Variants in SPAG5 observed in about 807,000 individuals in gnomAD.
SPAG5 encodes the protein sperm-associated antigen 5.
Under a neutral mutation model 145.4 loss-of-function variants are expected in SPAG5, and 99 were observed. That is an observed-to-expected ratio of 0.68 (90% CI 0.58 to 0.80). SPAG5 has a LOEUF of 0.80. Ranked by LOEUF, SPAG5 falls within the 30% of genes least tolerant of loss-of-function variation. SPAG5 has a pLI of 0.00. For synonymous variants in SPAG5, 477 were observed against 525.4 expected (o/e 0.91, Z 1.26); for missense variants, 1,192 against 1,416.0 (o/e 0.84, Z 2.54).
chr17:28,579,894 A>C (rs2070539210), intron 16 of SPAG5, 57 bp from the exon 17 acceptor site: 6 of 1,567,208 alleles, frequency 3.8e-6, no homozygotes, highest in Non-Finnish European at 4.4e-6. Context: ...GCAGGGGTCT[A>C]CCATAATGGA....
At position 28,592,993 on chromosome 17, in the gene SPAG5, CTGAAA is replaced by C; in HGVS notation, c.246_250del (p.His82GlnfsTer13). 6.2e-7 allele frequency: 1 copy of C among 1,614,160 alleles called. No individual in the cohort carries two copies. The highest frequency in any genetic ancestry group is 8.5e-7 in the Non-Finnish European group (1 of 1,180,032). On this transcript the variant is annotated frameshift_variant, in exon 3 of 24. Coordinates refer to ENST00000321765, the MANE Select transcript of SPAG5 (RefSeq NM_006461.4). LOFTEE classifies it high-confidence loss of function. ...AGTTTCTAGCCACTTTGAGGAATGA[CTGAAA>C]TGTTCTGAAGATAAGTCTGTCCTCT...
chr17:28,583,479 G>A, intron 15 of SPAG5, 32 bp downstream of exon 15: 1 of 1,537,816 alleles, frequency 6.5e-7, no homozygotes, highest in Non-Finnish European at 8.7e-7. Context: ...AGATACAATT[G>A]GAAGAGAAGA....
intron 7 of SPAG5, 53 bp downstream of exon 7, chr17:28,585,811 G>A (rs2070581185): frequency 6.2e-7 from 1 of 1,613,248 alleles, no homozygotes; most frequent in Non-Finnish European, 8.5e-7. Context: ...GTTCCTGCAG[G>A]AACCTTGAGG....
Position 28,578,433 on chromosome 17 carries a change from G to A in SPAG5, c.3294C>T (p.Asp1098=), listed in dbSNP as rs2070523320. 6.2e-7 allele frequency: 1 copy of A among 1,614,150 alleles called. No individual in the cohort carries two copies. The highest frequency in any genetic ancestry group is 1.3e-5 in the African/African-American group (1 of 75,064). The change falls in exon 21 of 24, where the codon GAC becomes GAT. Residue 1098 remains aspartate (D), a synonymous_variant. Transcript: ENST00000321765. ...VLQEALAGQL[D]SNCQPMATNW... is the part of the protein sequence containing the mutation. Reference sequence around the variant, plus strand: ...TGGTGGCCATAGGCTGGCAGTTGGAGTCCAGCTGGCCTGCCAGGGCCTCCT... The same window carrying A: ...TGGTGGCCATAGGCTGGCAGTTGGAATCCAGCTGGCCTGCCAGGGCCTCCT...
intron 2 of SPAG5, among the ~76,000 whole-genome samples, chr17:28,598,256 A>G (rs771663907): frequency 1.3e-5 from 2 of 152,184 alleles, no homozygotes; most frequent in Non-Finnish European, 2.9e-5. Context: ...GGATTTCTCA[A>G]TAGTTTGATA....
chr17:28,580,399 GAAAGAAAGAAA>G (rs1355334085), intron 15 of SPAG5: 5 of 197,760 alleles, frequency 2.5e-5, no homozygotes, highest in Middle Eastern at 1.8e-3. Flanking sequence ...AGAAAGAAAG[GAAAGAAAGAAA>G]AAAGAAAGAA....
rs946136992 is a variant in SPAG5 at position 28,598,475 on chromosome 17, C to A, written c.177+35G>T. 3 of 1,608,252 alleles carry A rather than the reference C, an allele frequency of 1.9e-6. No individual in the cohort carries two copies. The African/African-American group carries it at 4.0e-5, about 21-fold the overall frequency. ...CCCCTGAGCTCTCACCCTGGGCAAA[C>A]AGCCCAGTCGAGAAGCTGTCCAGGC... On this transcript the variant is annotated intron_variant, in intron 2 of 23. Transcript: ENST00000321765.
chr17:28,578,332 T>C (rs765451428), intron 21 of SPAG5, 40 bp from the exon 22 acceptor site: 1 of 1,613,544 alleles, frequency 6.2e-7, no homozygotes, highest in Non-Finnish European at 8.5e-7. Context: ...CAGCCTGGGG[T>C]CCCCACCTGC....
At chr17:28,587,321 C>T (rs1056603351) in intron 4 of SPAG5, among the ~76,000 whole-genome samples, 4 of 150,754 alleles carry the variant, frequency 2.7e-5, no homozygotes, top group Admixed American at 1.3e-4. Flanking sequence ...TCAAGGCGGG[C>T]GGATCACCTG....
chr17:28,598,144 T>A (rs1451205810), intron 2 of SPAG5, among the ~76,000 whole-genome samples: 1 of 152,190 alleles, frequency 6.6e-6, no homozygotes, highest in African/African-American at 2.4e-5. Context: ...AGGAGAGTTC[T>A]AACTACCTCC....
intron 13 of SPAG5, 54 bp from the exon 14 acceptor site, chr17:28,584,040 G>T (rs990012983): frequency 1.9e-6 from 3 of 1,610,330 alleles, no homozygotes; most frequent in Admixed American, 3.3e-5. Context: ...AGTGCCCTGG[G>T]TACAGAGGCT....
chr17:28,593,443 G>A (rs1287569288), intron 2 of SPAG5, among the ~76,000 whole-genome samples: 1 of 152,216 alleles, frequency 6.6e-6, no homozygotes, highest in Non-Finnish European at 1.5e-5. Flanking sequence ...AGAATCTAGA[G>A]TTGGTACAAG....
chr17:28,586,358 C>T, intron 5 of SPAG5, 67 bp downstream of exon 5: 1 of 1,391,512 alleles, frequency 7.2e-7, no homozygotes, highest in Non-Finnish European at 1.0e-6. Context: ...CTACTAACCA[C>T]CCAGGATTCT....
intron 2 of SPAG5, among the ~76,000 whole-genome samples, chr17:28,594,601 T>A (rs935524932): frequency 1.3e-4 from 20 of 150,866 alleles, no homozygotes; most frequent in Non-Finnish European, 3.0e-4. Context: ...TCTCAAAAAA[T>A]AATAATAATA....
intron 2 of SPAG5, among the ~76,000 whole-genome samples, chr17:28,598,239 G>C (rs2070682197): frequency 6.6e-6 from 1 of 152,164 alleles, no homozygotes; most frequent in African/African-American, 2.4e-5. Flanking sequence ...CACTAATCAG[G>C]GTGGTAGGAT....
At chr17:28,587,717 CAAAAAAA>C (rs765826333) in intron 4 of SPAG5, among the ~76,000 whole-genome samples, 1 of 48,874 alleles carries the variant, frequency 2.0e-5, no homozygotes, top group Non-Finnish European at 4.1e-5. Flanking sequence ...GACCTCGTCT[CAAAAAAA>C]AAAAAAAAAA....
rs773679094 is a variant in SPAG5, at chr17:28,592,096, G to A, written c.1148C>T (p.Ser383Leu). 13 of 1,614,132 alleles carry A rather than the reference G, an allele frequency of 8.1e-6. No individual in the cohort carries two copies. The highest frequency in any genetic ancestry group is 6.7e-5 in the East Asian group (3 of 44,876). Residue 383 changes from serine (S) to leucine (L), a missense_variant, in exon 3 of 24, where the codon TCG (serine) becomes TTG (leucine). Physicochemically the swap from Ser to Leu is moderately radical, Grantham distance 145. This residue lies in a region of SPAG5 where 125 missense variants were observed against 143.8 expected (regional missense o/e 0.87). Coordinates refer to ENST00000321765, the MANE Select transcript of SPAG5 (RefSeq NM_006461.4). Reference sequence around the variant, plus strand: ...TGAAGGAGTAAACCAAGTCCCCACCGAGCAAGTAGAGAAAGGGGTAGTGCC... The same window carrying A: ...TGAAGGAGTAAACCAAGTCCCCACCAAGCAAGTAGAGAAAGGGGTAGTGCC... ...AIGTTPFSTC[S>L]VGTWFTPSAP... is the part of the protein sequence containing the mutation.
In SPAG5 at chr17:28,580,098, A is replaced by G; in HGVS notation, c.2708T>C (p.Leu903Pro). 2 of 1,613,888 alleles carry G rather than the reference A, an allele frequency of 1.2e-6. No homozygotes were observed. The highest frequency in any genetic ancestry group is 1.7e-6 in the Non-Finnish European group (2 of 1,179,852). The change falls in exon 16 of 24, where the codon CTG becomes CCG. Residue 903 changes from leucine (L) to proline (P), a missense_variant. This residue lies in a region of SPAG5 where 709 missense variants were observed against 840.7 expected (regional missense o/e 0.84). Transcript: ENST00000321765. ...CTGGGTGGGAGGACAGGCTGTACTC[A>G]GCAGAAGGGTCTCTTGTTCAGTCTA... ...KEKTEQETLL[L>P]STACPPTQEH...
In SPAG5 at chr17:28,578,281, C is replaced by T. The variant is rs1391538280; in HGVS notation, c.3366G>A (p.Leu1122=). Residue 1122 remains leucine (L), a synonymous_variant, in exon 22 of 24, where the codon CTG becomes CTA. Coordinates refer to ENST00000321765, the MANE Select transcript of SPAG5 (RefSeq NM_006461.4). ...TTTTCATCTCCAGGAACATCACTCT[C>T]AGTTTGTCCACCTAGAAATATGTCC... The part of the protein sequence containing the change: ...KVWLSQEVDK[L]RVMFLEMKNE... 26 of 1,614,188 alleles carry T rather than the reference C, an allele frequency of 1.6e-5. No individual in the cohort carries two copies. The highest frequency in any genetic ancestry group is 2.2e-5 in the Non-Finnish European group (26 of 1,180,018).
Sources: gnomAD v4.1 joint callset for allele counts (sites outside exome capture counted in the v4.1 genomes callset) on GRCh38, gnomAD v4.1.1 for gene constraint, gnomAD v4.1.1 regional missense constraint, MANE v1.5 for transcripts, NCBI Gene and HGNC (gene_info 2026-07-23, HGNC 2026-07-21) for gene names.